SPOCK1: variants seen among roughly 807,000 people sequenced by gnomAD.
SPOCK1 encodes testican-1.
Under a neutral mutation model 55.3 loss-of-function variants are expected in SPOCK1, and 23 were observed. That is an observed-to-expected ratio of 0.42 (90% CI 0.30 to 0.59). The LOEUF (loss-of-function observed/expected upper bound fraction) is 0.59, where lower values mean the gene tolerates loss of function less well. Ranked by LOEUF, SPOCK1 falls within the 20% of genes least tolerant of loss-of-function variation. The probability of loss-of-function intolerance (pLI) is 0.22; values close to 1 mark genes in which losing one functional copy is unlikely to be tolerated. For synonymous variants in SPOCK1, 226 were observed against 221.0 expected (o/e 1.02, Z -0.20); for missense variants, 499 against 552.5 (o/e 0.90, Z 0.97).
Position 137,185,712 on chromosome 5 carries a change from G to A in SPOCK1, c.233-45018C>T, listed in dbSNP as rs141381574. ...TGGACTACCGTGGTGCCAGGGTGCC[G>A]AGAGGAGGCTGTCTCACCAAGGGGC... is the stretch of plus-strand genomic sequence containing the variant. On this transcript the variant is annotated intron_variant, in intron 3 of 10. Transcript: ENST00000394945. 1.5e-3 allele frequency among the ~76,000 whole-genome samples: 234 copies of A among 152,202 alleles called. 1 individual carries two copies. Among genetic ancestry groups the A allele is most frequent in the African/African-American group, 5.1e-3 (210 of 41,522 alleles).
chr5:137,034,162 C>T (rs1355783370), intron 6 of SPOCK1, among the ~76,000 whole-genome samples: 1 of 152,234 alleles, frequency 6.6e-6, no homozygotes, highest in African/African-American at 2.4e-5. Flanking sequence ...GGAGGACAGG[C>T]TGCTCAGGGT....
At chr5:137,165,295 C>T (rs1754626076) in intron 3 of SPOCK1, among the ~76,000 whole-genome samples, 1 of 152,084 alleles carries the variant, frequency 6.6e-6, no homozygotes, top group South Asian at 2.1e-4. Context: ...CCAGAGAATT[C>T]TGGGTCTTGT....
intron 6 of SPOCK1, among the ~76,000 whole-genome samples, chr5:137,050,613 C>G (rs551807542): frequency 2.0e-5 from 3 of 152,088 alleles, no homozygotes; most frequent in Admixed American, 2.0e-4. Context: ...GCGTCGCTCA[C>G]GCTGGGAGCT....
At chr5:137,446,901 T>C (rs1458654766) in intron 2 of SPOCK1, among the ~76,000 whole-genome samples, 1 of 152,256 alleles carries the variant, frequency 6.6e-6, no homozygotes, top group Non-Finnish European at 1.5e-5. Flanking sequence ...GGAATTATAC[T>C]GTAGTTGTCT....
chr5:137,006,894 C>T (rs1363842264), intron 6 of SPOCK1, among the ~76,000 whole-genome samples: 2 of 152,056 alleles, frequency 1.3e-5, no homozygotes, highest in Non-Finnish European at 2.9e-5. Context: ...TTATTGAGTG[C>T]TTTTAGCATG....
intron 2 of SPOCK1, among the ~76,000 whole-genome samples, chr5:137,322,661 C>T (rs557173064): frequency 3.3e-5 from 5 of 149,848 alleles, no homozygotes; most frequent in East Asian, 2.0e-4. Flanking sequence ...AAAAAACCTA[C>T]ATAAGATACA....
At chr5:137,311,803 G>A (rs749216946) in intron 2 of SPOCK1, among the ~76,000 whole-genome samples, 6 of 152,076 alleles carry the variant, frequency 3.9e-5, no homozygotes, top group Non-Finnish European at 5.9e-5. Flanking sequence ...TTTTAATTAT[G>A]AAAGAATAGG....
At chr5:137,085,472 C>T (rs1179700399) in intron 5 of SPOCK1, among the ~76,000 whole-genome samples, 4 of 152,098 alleles carry the variant, frequency 2.6e-5, no homozygotes, top group African/African-American at 4.8e-5. Flanking sequence ...CAGAAGGAAG[C>T]GGGGACTGAT....
At chr5:137,350,703 C>T (rs752887031) in intron 2 of SPOCK1, among the ~76,000 whole-genome samples, 1 of 152,028 alleles carries the variant, frequency 6.6e-6, no homozygotes, top group Non-Finnish European at 1.5e-5. Context: ...TCAGTGGAAG[C>T]AATCCTCAGC....
At chr5:137,136,289 T>C (rs1753984785) in intron 4 of SPOCK1, among the ~76,000 whole-genome samples, 1 of 152,184 alleles carries the variant, frequency 6.6e-6, no homozygotes, top group Admixed American at 6.5e-5. Context: ...GTATGTTATA[T>C]AATGATTAAA....
At chr5:137,184,590 C>T (rs897584034) in intron 3 of SPOCK1, among the ~76,000 whole-genome samples, 6 of 152,114 alleles carry the variant, frequency 3.9e-5, no homozygotes, top group African/African-American at 1.2e-4. Context: ...GTCCATGAGT[C>T]GATGAAATCA....
At chr5:137,313,941 G>T (rs1757832194) in intron 2 of SPOCK1, among the ~76,000 whole-genome samples, 1 of 149,022 alleles carries the variant, frequency 6.7e-6, no homozygotes, top group Non-Finnish European at 1.5e-5. Flanking sequence ...GGAGACTCTG[G>T]CTAGAGCCTG....
chr5:137,191,681 A>G (rs6883260), intron 3 of SPOCK1, among the ~76,000 whole-genome samples: 89,228 of 152,028 alleles, frequency 0.59, 27,738 homozygotes, highest in Middle Eastern at 0.69. Flanking sequence ...CTATTTTTTC[A>G]TAATAGAAAA....
At chr5:137,278,926 G>C (rs1317296093) in intron 2 of SPOCK1, among the ~76,000 whole-genome samples, 1 of 152,154 alleles carries the variant, frequency 6.6e-6, no homozygotes, top group East Asian at 1.9e-4. Context: ...CAATGTACTA[G>C]TCTATGCCAT....
intron 5 of SPOCK1, among the ~76,000 whole-genome samples, chr5:137,100,310 G>A (rs751377734): frequency 1.3e-5 from 2 of 152,170 alleles, no homozygotes; most frequent in Non-Finnish European, 2.9e-5. Context: ...AACAATTGAT[G>A]CATTCTCTCC....
intron 6 of SPOCK1, among the ~76,000 whole-genome samples, chr5:137,027,392 G>A (rs879702724): frequency 1.1e-4 from 16 of 152,080 alleles, no homozygotes; most frequent in Non-Finnish European, 1.8e-4. Context: ...TCCCAAAGTG[G>A]CTTCTTTTGT....
intron 6 of SPOCK1, among the ~76,000 whole-genome samples, chr5:137,061,328 C>A (rs773899731): frequency 6.6e-6 from 1 of 152,192 alleles, no homozygotes; most frequent in Non-Finnish European, 1.5e-5. Context: ...CTTTTATCCA[C>A]GTTTCCAGCT....
chr5:137,160,607 A>ATATATAATATATATTATATATT (rs1754525742), intron 3 of SPOCK1, among the ~76,000 whole-genome samples: 1 of 63,530 alleles, frequency 1.6e-5, no homozygotes, highest in African/African-American at 6.5e-5. Context: ...TATTATATAT[A>ATATATAATATATATTATATATT]ATATATAATA....
chr5:136,982,035 T>C (rs1014940862), intron 9 of SPOCK1, among the ~76,000 whole-genome samples: 2 of 152,200 alleles, frequency 1.3e-5, no homozygotes, highest in Admixed American at 1.3e-4. Context: ...TTGCCTGTAG[T>C]ATTCAGTACG....
Sources: gnomAD v4.1 joint callset for allele counts (sites outside exome capture counted in the v4.1 genomes callset) on GRCh38, gnomAD v4.1.1 for gene constraint, MANE v1.5 for transcripts, NCBI Gene and HGNC (gene_info 2026-07-23, HGNC 2026-07-21) for gene names.